Variants in ABHD12 observed in about 807,000 individuals in gnomAD.
ABHD12 encodes the protein lysophosphatidylserine lipase ABHD12.
A neutral mutation model predicts 58.3 loss-of-function variants in ABHD12; 43 were observed. The ratio of observed to expected loss-of-function variants is 0.74; its 90% CI spans 0.58 to 0.95. The LOEUF is 0.95. Among genes scored for constraint, ABHD12 ranks in the 40% least tolerant of loss-of-function variants. ABHD12 has a pLI of 0.00. For missense variants in ABHD12, 539 were observed against 537.2 expected (o/e 1.00, Z -0.03); for synonymous variants, 219 against 211.2 (o/e 1.04, Z -0.32).
chr20:25,327,778 T>G (rs1260078313), intron 2 of ABHD12, among the ~76,000 whole-genome samples: 1 of 152,210 alleles, frequency 6.6e-6, no homozygotes, highest in Non-Finnish European at 1.5e-5. Context: ...TACAAGATTC[T>G]GACCCTCCCC....
intron 1 of ABHD12, among the ~76,000 whole-genome samples, chr20:25,355,453 C>T (rs2089654446): frequency 6.8e-6 from 1 of 148,018 alleles, no homozygotes; most frequent in African/African-American, 2.5e-5. Flanking sequence ...TTTACCATTT[C>T]CTGCTAAAAG....
chr20:25,371,186 G>A lies in ABHD12; in HGVS notation c.191+19327C>T, dbSNP rs149231808. 6.7e-3 allele frequency among the ~76,000 whole-genome samples: 1,025 copies of A among 152,190 alleles called. 10 individuals carry two copies. Among genetic ancestry groups the A allele is most frequent in the African/African-American group, 0.024 (978 of 41,520 alleles). Reference sequence around the variant, plus strand: ...ACTGAGACACTGGACTGGTGGTCACGGTTCCTACACAAAAGGCCCCCAAGG... The same window carrying A: ...ACTGAGACACTGGACTGGTGGTCACAGTTCCTACACAAAAGGCCCCCAAGG... On this transcript the variant is annotated intron_variant, in intron 1 of 12. Coordinates refer to ENST00000339157, the MANE Select transcript of ABHD12 (RefSeq NM_001042472.3).
intron 2 of ABHD12, among the ~76,000 whole-genome samples, chr20:25,327,203 G>A (rs148402569): frequency 6.6e-5 from 10 of 152,310 alleles, no homozygotes; most frequent in African/African-American, 1.7e-4. Flanking sequence ...GCGCGGTGGC[G>A]CATGCCTATA....
chr20:25,318,949 C>T (rs1333748937), intron 4 of ABHD12, among the ~76,000 whole-genome samples: 3 of 152,214 alleles, frequency 2.0e-5, no homozygotes, highest in African/African-American at 7.2e-5. Flanking sequence ...CAGGGTTCCA[C>T]CATGCAGACC....
At chr20:25,380,303 C>A (rs1333768847) in intron 1 of ABHD12, among the ~76,000 whole-genome samples, 1 of 151,984 alleles carries the variant, frequency 6.6e-6, no homozygotes, top group Non-Finnish European at 1.5e-5. Context: ...CTCTTGTTGC[C>A]CAGGCTGGAA....
chr20:25,378,687 A>G (rs936967304), intron 1 of ABHD12, among the ~76,000 whole-genome samples: 3 of 142,526 alleles, frequency 2.1e-5, no homozygotes, highest in Non-Finnish European at 4.5e-5. Flanking sequence ...AGAACTGAAG[A>G]TAATTTGAAC....
At chr20:25,296,230 T>C, downstream of ABHD12, 4 of 1,035,730 alleles carry the variant, frequency 3.9e-6, no homozygotes, top group Non-Finnish European at 5.7e-6. Context: ...GAACAAGTGA[T>C]TGTAATGTCC....
intron 1 of ABHD12, among the ~76,000 whole-genome samples, chr20:25,348,465 A>C (rs1023316293): frequency 2.7e-5 from 4 of 146,498 alleles, no homozygotes; most frequent in African/African-American, 1.1e-4. Context: ...AAAAAAAAAA[A>C]AACAAATGCG....
At chr20:25,347,491 T>C (rs1315670684) in intron 1 of ABHD12, among the ~76,000 whole-genome samples, 1 of 152,164 alleles carries the variant, frequency 6.6e-6, no homozygotes, top group Non-Finnish European at 1.5e-5. Flanking sequence ...ATAATAAAAT[T>C]TATTTTTTCT....
chr20:25,390,476 GGCCCCCCCCCCCC>G, intron 1 of ABHD12, 24 bp downstream of exon 1: 1 of 1,031,720 alleles, frequency 9.7e-7, no homozygotes, highest in Non-Finnish European at 1.2e-6. Flanking sequence ...GTGAGGGACC[GGCCCCCCCCCCCC>G]CCCCGCTCCG....
intron 1 of ABHD12, among the ~76,000 whole-genome samples, chr20:25,390,285 G>C (rs995634591): frequency 6.6e-6 from 1 of 152,180 alleles, no homozygotes; most frequent in Non-Finnish European, 1.5e-5. Flanking sequence ...CAGGACACAG[G>C]GGGTCAGCGG....
chr20:25,341,961 T>C (rs555217438), intron 1 of ABHD12, among the ~76,000 whole-genome samples: 8 of 152,264 alleles, frequency 5.3e-5, no homozygotes, highest in African/African-American at 1.9e-4. Context: ...CTTCAGCACC[T>C]GCACAGATCT....
chr20:25,296,239 C>T, downstream of ABHD12: 3 of 1,111,530 alleles, frequency 2.7e-6, no homozygotes, highest in Non-Finnish European at 1.3e-6. Context: ...ATTGTAATGT[C>T]CTCCTCTTCC....
chr20:25,375,921 G>A (rs1293731548), intron 1 of ABHD12, among the ~76,000 whole-genome samples: 1 of 152,134 alleles, frequency 6.6e-6, no homozygotes, highest in Non-Finnish European at 1.5e-5. Flanking sequence ...AGGAGATCGA[G>A]ACCATCCTGG....
intron 1 of ABHD12, among the ~76,000 whole-genome samples, chr20:25,365,090 A>G (rs1006148247): frequency 6.6e-6 from 1 of 152,244 alleles, no homozygotes; most frequent in Non-Finnish European, 1.5e-5. Flanking sequence ...CTGGTACAGC[A>G]CCAAGTGTTA....
In ABHD12 at chr20:25,312,847, G is replaced by A. The variant is rs527978704; in HGVS notation, c.619+2078C>T. On this transcript the variant is annotated intron_variant, in intron 6 of 12. Transcript: ENST00000339157. ...CCGGCCGCGACCCCGTCTGGGAGGT[G>A]AGGAGCGTCTCCGCCCGGCAGCCGC... Among the ~76,000 whole-genome samples the A allele has an allele frequency of 4.0e-3, 610 of 151,932 alleles. 3 individuals are homozygous for A. The highest frequency in any genetic ancestry group is 0.014 in the African/African-American group (581 of 41,320).
chr20:25,333,650 A>C (rs1288166476), intron 2 of ABHD12, among the ~76,000 whole-genome samples: 1 of 151,992 alleles, frequency 6.6e-6, no homozygotes, highest in East Asian at 1.9e-4. Flanking sequence ...AGGTTGGTTC[A>C]ATATACGCAA....
chr20:25,319,697 G>C (rs1367717116), intron 4 of ABHD12, among the ~76,000 whole-genome samples: 2 of 152,222 alleles, frequency 1.3e-5, no homozygotes, highest in Non-Finnish European at 2.9e-5. Flanking sequence ...CCACAGCCAA[G>C]TGCCACTATG....
chr20:25,366,457 G>T (rs1332219010), intron 1 of ABHD12, among the ~76,000 whole-genome samples: 3 of 151,780 alleles, frequency 2.0e-5, no homozygotes, highest in Non-Finnish European at 2.9e-5. Context: ...GTAGAGATGG[G>T]GTTTCTCCAT....
Sources: allele counts gnomAD v4.1 joint callset (sites outside exome capture counted in the v4.1 genomes callset), GRCh38; gene constraint gnomAD v4.1.1; transcripts MANE v1.5; gene names NCBI Gene and HGNC (gene_info 2026-07-23, HGNC 2026-07-21).